CSMD1: variants seen among roughly 807,000 people sequenced by gnomAD.
The protein encoded by CSMD1 is CUB and Sushi multiple domains 1, also known as CUB and sushi domain-containing protein 1.
CSMD1 carries 213 observed loss-of-function variants against 417.5 expected under a neutral mutation model. The observed-to-expected ratio is 0.51, with a 90% CI of 0.46 to 0.57. The LOEUF is 0.57. Ranked by LOEUF, CSMD1 falls within the 20% of genes least tolerant of loss-of-function variation. The probability of loss-of-function intolerance (pLI) is 0.00; values close to 1 mark genes in which losing one functional copy is unlikely to be tolerated. For missense variants in CSMD1, 6,923 were observed against 4,529.7 expected, an observed-to-expected ratio of 1.53 and a Z score of -15.17; for synonymous variants, 2,862 against 1,736.8, an observed-to-expected ratio of 1.65 and a Z score of -16.11.
chr8:3,171,134 A>G lies in CSMD1; in HGVS notation c.5726-8857T>C, dbSNP rs114756350. Among the ~76,000 whole-genome samples, 573 of 152,372 alleles carry G rather than the reference A, an allele frequency of 3.8e-3. 8 individuals are homozygous for G. Among genetic ancestry groups the G allele is most frequent in the African/African-American group, 0.013 (525 of 41,590 alleles). ...GATTTGGGGAAACAGATATTTTAAA[A>G]TGAGAAATAAACAAGTGCCCCAATC... On this transcript the variant is annotated intron_variant, in intron 37 of 69. Transcript: ENST00000635120.
intron 26 of CSMD1, among the ~76,000 whole-genome samples, chr8:3,231,675 T>A (rs1303178477): frequency 6.6e-6 from 1 of 152,174 alleles, no homozygotes; most frequent in African/African-American, 2.4e-5. Context: ...AGAGAAAATG[T>A]TAAACTGTGC....
chr8:4,135,108 G>A (rs1470736696), intron 3 of CSMD1, among the ~76,000 whole-genome samples: 1 of 152,038 alleles, frequency 6.6e-6, no homozygotes, highest in Non-Finnish European at 1.5e-5. Flanking sequence ...ATAAATAATT[G>A]CATAAATGTT....
At chr8:4,759,347 A>G (rs553955940) in intron 1 of CSMD1, among the ~76,000 whole-genome samples, 3 of 152,350 alleles carry the variant, frequency 2.0e-5, no homozygotes, top group African/African-American at 7.2e-5. Flanking sequence ...CAATGCCAAT[A>G]AAGGGCAGTG....
intron 3 of CSMD1, among the ~76,000 whole-genome samples, chr8:4,131,786 G>T (rs2680622): frequency 9.5e-6 from 1 of 105,280 alleles, no homozygotes. Context: ...TTTTTGAGAC[G>T]GAGTCTCGCT....
chr8:3,646,674 T>C (rs1585013167), intron 7 of CSMD1, among the ~76,000 whole-genome samples: 1 of 152,168 alleles, frequency 6.6e-6, no homozygotes, highest in African/African-American at 2.4e-5. Flanking sequence ...AAGACTTGCA[T>C]TGTTTCACAC....
intron 57 of CSMD1, among the ~76,000 whole-genome samples, chr8:2,969,507 G>T (rs890032120): frequency 6.6e-6 from 1 of 152,060 alleles, no homozygotes; most frequent in Non-Finnish European, 1.5e-5. Flanking sequence ...AATTTAAAAA[G>T]ATTTTTCGTT....
chr8:3,854,159 T>TAA (rs10712212), intron 5 of CSMD1, among the ~76,000 whole-genome samples: 1 of 139,554 alleles, frequency 7.2e-6, no homozygotes, highest in Non-Finnish European at 1.6e-5. Flanking sequence ...ATAATAATAA[T>TAA]AAAAAAAAAA....
chr8:4,564,468 C>G (rs1195816728), intron 2 of CSMD1, among the ~76,000 whole-genome samples: 1 of 152,104 alleles, frequency 6.6e-6, no homozygotes, highest in Non-Finnish European at 1.5e-5. Context: ...GGGCCTGATC[C>G]TGGTTCAGGG....
intron 2 of CSMD1, among the ~76,000 whole-genome samples, chr8:4,559,817 C>T (rs1485437558): frequency 6.6e-6 from 1 of 152,240 alleles, no homozygotes; most frequent in African/African-American, 2.4e-5. Flanking sequence ...CTCATGTTCA[C>T]TTCGTGAAAT....
rs560820969 is a variant in CSMD1 at position 4,363,053 on chromosome 8, A to G, written c.415+56900T>C. Reference sequence around the variant, plus strand: ...ACTTCTGCTACTACGGAAGGGAGAAAATTGAATTTTCTCTTCAGAGCAGCC... The same window carrying G: ...ACTTCTGCTACTACGGAAGGGAGAAGATTGAATTTTCTCTTCAGAGCAGCC... On this transcript the variant is annotated intron_variant, in intron 3 of 69. Coordinates refer to ENST00000635120, the MANE Select transcript of CSMD1 (RefSeq NM_033225.6). Among the ~76,000 whole-genome samples the G allele has an allele frequency of 2.0e-5, 3 of 152,294 alleles. No individual in the cohort carries two copies. The South Asian group carries it at 6.2e-4, about 32-fold the overall frequency.
At chr8:3,269,768 C>G (rs1761918339) in intron 26 of CSMD1, among the ~76,000 whole-genome samples, 1 of 152,156 alleles carries the variant, frequency 6.6e-6, no homozygotes, top group South Asian at 2.1e-4. Flanking sequence ...TGAAAAGTGT[C>G]AGGCTGATTA....
intron 2 of CSMD1, among the ~76,000 whole-genome samples, chr8:4,454,364 C>A (rs193240970): frequency 7.2e-5 from 11 of 152,284 alleles, no homozygotes; most frequent in African/African-American, 2.6e-4. Context: ...CTTCTCCCAA[C>A]ACATACCTCT....
At chr8:3,714,480 T>C (rs1801710123) in intron 6 of CSMD1, among the ~76,000 whole-genome samples, 3 of 145,868 alleles carry the variant, frequency 2.1e-5, no homozygotes, top group South Asian at 4.3e-4. Context: ...CCCAGCACTT[T>C]GGGAGGCTGA....
chr8:4,694,440 C>A (rs1025940045), intron 1 of CSMD1, among the ~76,000 whole-genome samples: 17 of 151,888 alleles, frequency 1.1e-4, no homozygotes, highest in Admixed American at 9.8e-4. Flanking sequence ...CAACCCCTGC[C>A]TCCCGGATTC....
chr8:3,348,338 A>G (rs188361844), intron 21 of CSMD1, among the ~76,000 whole-genome samples, 177 bp from the exon 22 acceptor site: 12 of 152,350 alleles, frequency 7.9e-5, no homozygotes, highest in Middle Eastern at 3.4e-3. Context: ...CTGGACCAAA[A>G]AAGATACCCC....
intron 1 of CSMD1, among the ~76,000 whole-genome samples, chr8:4,741,333 G>C (rs945577963): frequency 6.6e-6 from 1 of 152,132 alleles, no homozygotes; most frequent in Non-Finnish European, 1.5e-5. Context: ...TTTTCTCTCA[G>C]ACCATACTAT....
chr8:3,258,564 A>G (rs1170638279), intron 26 of CSMD1, among the ~76,000 whole-genome samples: 4 of 152,206 alleles, frequency 2.6e-5, no homozygotes, highest in South Asian at 4.1e-4. Flanking sequence ...AGACAGAAAT[A>G]TCATTGGACC....
At chr8:3,959,875 T>G (rs1441888227) in intron 5 of CSMD1, among the ~76,000 whole-genome samples, 5 of 152,238 alleles carry the variant, frequency 3.3e-5, no homozygotes, top group Non-Finnish European at 5.9e-5. Flanking sequence ...ATATAACGTG[T>G]GATCTGCCTT....
chr8:3,086,889 T>G (rs1286774782), intron 49 of CSMD1, among the ~76,000 whole-genome samples: 3 of 152,218 alleles, frequency 2.0e-5, no homozygotes, highest in African/African-American at 7.2e-5. Context: ...CTAGTGAATG[T>G]CCAACCCTTC....
Sources: gnomAD v4.1 joint callset for allele counts (sites outside exome capture counted in the v4.1 genomes callset) on GRCh38, gnomAD v4.1.1 for gene constraint, MANE v1.5 for transcripts, NCBI Gene and HGNC (gene_info 2026-07-23, HGNC 2026-07-21) for gene names.